INPP5E: variants seen among roughly 807,000 people sequenced by gnomAD.
INPP5E encodes phosphatidylinositol polyphosphate 5-phosphatase type IV.
In INPP5E, 34 loss-of-function variants were observed where a neutral mutation model predicts 50.5. The ratio of observed to expected loss-of-function variants is 0.67; its 90% confidence interval spans 0.51 to 0.90. The LOEUF (loss-of-function observed/expected upper bound fraction) is 0.90, where lower values mean the gene tolerates loss of function less well. Among genes scored for constraint, INPP5E ranks in the 40% least tolerant of loss-of-function variants. The pLI, the probability that INPP5E is intolerant of heterozygous loss-of-function variation, is 0.00. For synonymous variants in INPP5E, 447 were observed against 406.0 expected, an observed-to-expected ratio of 1.10 and a Z score of -1.21; for missense variants, 942 against 905.5, an observed-to-expected ratio of 1.04 and a Z score of -0.52.
rs1835934684 is a variant in INPP5E, at chr9:136,439,373, T to C, written c.47A>G (p.Gln16Arg). 2 of 1,457,528 alleles carry C rather than the reference T, an allele frequency of 1.4e-6. No homozygotes were observed. The highest frequency in any genetic ancestry group is 1.8e-6 in the Non-Finnish European group (2 of 1,111,146). 90.3% of individuals were successfully genotyped at this position (1,457,528 alleles called of 1,614,324 possible). ...ENLRPSEPAP[Q>R]PPEGRTLQGQ... Reference sequence around the variant, plus strand: ...TTGGAGCGTCCTCCCTTCCGGCGGCTGCGGGGCCGGCTCGGAGGGCCGCAG... The same window carrying C: ...TTGGAGCGTCCTCCCTTCCGGCGGCCGCGGGGCCGGCTCGGAGGGCCGCAG... Residue 16 changes from glutamine to arginine, a missense_variant, in exon 1 of 10, where the codon CAG becomes CGG. Coordinates refer to ENST00000371712, the MANE Select transcript of INPP5E (RefSeq NM_019892.6).
intron 5 of INPP5E, 145 bp downstream of exon 5, chr9:136,432,811 G>C (rs1290350039): frequency 1.8e-6 from 2 of 1,141,702 alleles, no homozygotes; most frequent in African/African-American, 1.5e-5. Context: ...TCCTTGGCGT[G>C]CATCTTAGCA....
chr9:136,431,840 G>A lies in INPP5E; in HGVS notation c.1533C>T (p.Ile511=). ...VPALLQHDQL[I]REMRKGSIFK... ...GGCCCTCACCTTTCCGCATCTCCCGGATGAGCTGGTCGTGCTGCAGCAGCG... is the reference window on the plus strand; with the variant it reads ...GGCCCTCACCTTTCCGCATCTCCCGAATGAGCTGGTCGTGCTGCAGCAGCG... The change falls in exon 7 of 10, where the codon ATC becomes ATT. Residue 511 remains isoleucine, a synonymous_variant. Coordinates refer to ENST00000371712, the MANE Select transcript of INPP5E (RefSeq NM_019892.6). 6.2e-7 allele frequency: 1 copy of A among 1,600,992 alleles called. No homozygotes were observed. Among genetic ancestry groups the A allele is most frequent in the Non-Finnish European group, 8.5e-7 (1 of 1,176,248 alleles).
At position 136,438,761 on chromosome 9, in the gene INPP5E, T is replaced by C. The variant is rs1835902379; in HGVS notation, c.659A>G (p.Lys220Arg). ...NKVDSDLADYKLRAQPLLVRA... is the reference protein window; with the variant it reads ...NKVDSDLADYRLRAQPLLVRA... ...CACCAGGAGCGGCTGCGCGCGGAGC[T>C]TGTAGTCTGCAAGATCCGAGTCGAC... The change falls in exon 1 of 10, where the codon AAG becomes AGG. Residue 220 changes from lysine (K) to arginine (R), a missense_variant. Physicochemically the swap from Lys to Arg is conservative, Grantham distance 26. Transcript: ENST00000371712. 17 of 1,611,758 alleles carry C rather than the reference T, an allele frequency of 1.1e-5. No individual in the cohort carries two copies. Among genetic ancestry groups the C allele is most frequent in the Non-Finnish European group, 1.4e-5 (17 of 1,179,550 alleles).
chr9:136,438,793 T>C lies in INPP5E; in HGVS notation c.627A>G (p.Ala209=), dbSNP rs758745316. ...CTGCAAGATCCGAGTCGACCTTGTT[T>C]GCTGTCCTCAGGGAGTCGGAGGCGA... ...LDIASDSLRT[A]NKVDSDLADY... is the part of the protein sequence containing the mutation. Residue 209 remains alanine, a synonymous_variant, in exon 1 of 10, where the codon GCA becomes GCG. Transcript: ENST00000371712. 1.2e-5 allele frequency: 19 copies of C among 1,612,086 alleles called. No homozygotes were observed. In the African/African-American group the frequency reaches 2.3e-4, roughly 19 times the overall value.
chr9:136,438,138 G>A (rs1835869811), intron 1 of INPP5E: 2 of 185,386 alleles, frequency 1.1e-5, no homozygotes, highest in Admixed American at 1.1e-4. Flanking sequence ...AGCTGGGTGT[G>A]GTGGCGGGCG....
intron 3 of INPP5E, among the ~76,000 whole-genome samples, chr9:136,433,500 C>T (rs1426714469): frequency 6.6e-6 from 1 of 152,154 alleles, no homozygotes; most frequent in East Asian, 1.9e-4. Flanking sequence ...CCCCTGGACC[C>T]CCGCCGAGAC....
chr9:136,433,899 G>A (rs1032414200), intron 3 of INPP5E, 138 bp downstream of exon 3: 12 of 726,008 alleles, frequency 1.7e-5, no homozygotes, highest in East Asian at 8.1e-5. Context: ...GGGTATCAGC[G>A]CCCAGCAGCT....
intron 8 of INPP5E, 71 bp from the exon 9 acceptor site, chr9:136,430,484 C>A: frequency 6.5e-7 from 1 of 1,530,080 alleles, no homozygotes; most frequent in Non-Finnish European, 8.8e-7. Context: ...CCGCTCACCT[C>A]CCTGCTGTTC....
chr9:136,429,848 A>T, intron 9 of INPP5E, 41 bp from the exon 10 acceptor site: 1 of 1,545,108 alleles, frequency 6.5e-7, no homozygotes. Context: ...ACCCAGGGCC[A>T]GGAGGAGGGG....
chr9:136,430,321 A>G lies in INPP5E; in HGVS notation c.1758T>C (p.Pro586=), dbSNP rs1222127887. 4.4e-5 allele frequency: 68 copies of G among 1,552,044 alleles called. No individual in the cohort carries two copies. Among genetic ancestry groups the G allele is most frequent in the Non-Finnish European group, 5.8e-5 (67 of 1,147,186 alleles). The part of the protein sequence containing the change: ...CPGIKTSDHR[P]VYGLFRVKVR... ...CTTTCACCCGGAAGAGGCCATACAC[A>G]GGGCGGTGGTCGGACGTCTTGATCC... Residue 586 remains proline (P), a synonymous_variant, in exon 9 of 10, where the codon CCT becomes CCC. Transcript: ENST00000371712.
rs559022606 is a variant in INPP5E at position 136,439,506 on chromosome 9, G to A, written c.-87C>T. Reference sequence around the variant, plus strand: ...TGCCGGGTCCGGGGTCGCCGGCGCAGCGAGGAGCAGAAACGCCGCTGCGGC... The same window carrying A: ...TGCCGGGTCCGGGGTCGCCGGCGCAACGAGGAGCAGAAACGCCGCTGCGGC... On this transcript the variant is annotated 5_prime_UTR_variant, in exon 1 of 10. Coordinates refer to ENST00000371712, the MANE Select transcript of INPP5E (RefSeq NM_019892.6). 8.6e-5 allele frequency: 88 copies of A among 1,022,174 alleles called. No individual in the cohort carries two copies. The African/African-American group carries it at 1.3e-3, about 15-fold the overall frequency. The allele number at this position is 1,022,174 out of a possible 1,614,324, so 63.3% of individuals were successfully genotyped here.
rs529161559 is a variant in INPP5E at position 136,432,055 on chromosome 9, G to T, written c.1388-70C>A. 62 of 1,591,418 alleles carry T rather than the reference G, an allele frequency of 3.9e-5. 1 individual carries two copies. In the South Asian group the frequency reaches 6.9e-4, roughly 18 times the overall value. ...AGGTCCTTCCCCTTCCCCAGAACAT[G>T]GCCTGGGAGTGGCTCTCAGGGGAAG... On this transcript the variant is annotated intron_variant, in intron 6 of 9. Coordinates refer to ENST00000371712, the MANE Select transcript of INPP5E (RefSeq NM_019892.6).
intron 1 of INPP5E, chr9:136,435,495 G>A (rs951001827): frequency 6.5e-6 from 1 of 153,160 alleles, no homozygotes; most frequent in African/African-American, 2.4e-5. Flanking sequence ...TCCAGGTGCA[G>A]TGCCACCACG....
At position 136,430,381 on chromosome 9, in the gene INPP5E, A is replaced by G; in HGVS notation, c.1698T>C (p.Gly566=). ...AAGAGTAGCTCACAGGACAGATGTC[A>G]CCCTTGTGGCGGCTTCTGTACAAGA... ...DRVLYRSRHK[G]DICPVSYSSC... is the part of the protein sequence containing the mutation. Residue 566 remains glycine (G), a synonymous_variant, in exon 9 of 10, where the codon GGT becomes GGC. Coordinates refer to ENST00000371712, the MANE Select transcript of INPP5E (RefSeq NM_019892.6). 6.4e-7 allele frequency: 1 copy of G among 1,557,248 alleles called. No individual in the cohort carries two copies.
At position 136,432,468 on chromosome 9, in the gene INPP5E, G is replaced by A; in HGVS notation, c.1387+11C>T. On this transcript the variant is annotated intron_variant, in intron 6 of 9. Transcript: ENST00000371712. ...GGCGGCACCACCCACACGCAGCGTG[G>A]ACGCCCTCACCTGCGCTGGAGCGAT... 1 of 1,533,024 alleles carries A rather than the reference G, an allele frequency of 6.5e-7. No homozygotes were observed. The highest frequency in any genetic ancestry group is 8.8e-7 in the Non-Finnish European group (1 of 1,131,498). The allele number at this position is 1,533,024 out of a possible 1,614,324, so 95.0% of individuals were successfully genotyped here.
chr9:136,434,571 G>A (rs1351612848), intron 2 of INPP5E, among the ~76,000 whole-genome samples, 169 bp downstream of exon 2: 2 of 152,170 alleles, frequency 1.3e-5, no homozygotes, highest in African/African-American at 4.8e-5. Context: ...GGGGGATGGG[G>A]GTCCTTACCC....
At chr9:136,432,768 C>A (rs577907518) in intron 5 of INPP5E, among the ~76,000 whole-genome samples, 182 bp from the exon 6 acceptor site, 1 of 152,302 alleles carries the variant, frequency 6.6e-6, no homozygotes, top group African/African-American at 2.4e-5. Flanking sequence ...GGGCCCAGCA[C>A]GGCACGCCCT....
chr9:136,431,158 G>T (rs1480341023), intron 7 of INPP5E, 41 bp from the exon 8 acceptor site: 45 of 1,387,058 alleles, frequency 3.2e-5, no homozygotes, highest in Non-Finnish European at 4.3e-5. Context: ...AGACCAGCTT[G>T]TGCCAGCCGC....
At chr9:136,434,495 C>T (rs967272919) in intron 2 of INPP5E, among the ~76,000 whole-genome samples, 24 of 152,250 alleles carry the variant, frequency 1.6e-4, no homozygotes, top group African/African-American at 4.3e-4. Context: ...CGGCCAGGCC[C>T]GTTGCCCCAA....
Sources: allele counts gnomAD v4.1 joint callset (sites outside exome capture counted in the v4.1 genomes callset), GRCh38; gene constraint gnomAD v4.1.1; transcripts MANE v1.5; gene names NCBI Gene and HGNC (gene_info 2026-07-23, HGNC 2026-07-21).